The following HSH2D variants were observed in gnomAD, a reference collection of about 807,000 sequenced individuals.
HSH2D encodes the protein hematopoietic SH2 domain containing, also known as hematopoietic SH2 domain-containing protein.
HSH2D carries 16 observed loss-of-function variants against 21.5 expected under a neutral mutation model. That is an observed-to-expected ratio of 0.74 (90% CI 0.50 to 1.13). The LOEUF (loss-of-function observed/expected upper bound fraction) is 1.13. Ranked by LOEUF, HSH2D falls within the 50% of genes most tolerant of loss-of-function variation. HSH2D has a pLI of 0.00. For synonymous variants in HSH2D, 172 were observed against 184.7 expected (o/e 0.93, Z 0.56); for missense variants, 418 against 441.4 (o/e 0.95, Z 0.47).
intron 3 of HSH2D, 73 bp from the exon 4 acceptor site, chr19:16,152,970 G>A (rs2091180190): frequency 2.0e-6 from 3 of 1,534,800 alleles, no homozygotes; most frequent in Non-Finnish European, 2.7e-6. Flanking sequence ...TGACGCTGCC[G>A]GCCCAAGGGC....
chr19:16,140,212 TAG>T (rs1247477641), upstream of HSH2D, among the ~76,000 whole-genome samples: 3 of 151,820 alleles, frequency 2.0e-5, no homozygotes, highest in East Asian at 5.8e-4. Flanking sequence ...TCCAGGCAGG[TAG>T]ATCGCTTGAG....
At chr19:16,156,595 G>A (rs1406229922) in intron 5 of HSH2D, among the ~76,000 whole-genome samples, 6 of 152,176 alleles carry the variant, frequency 3.9e-5, no homozygotes, top group Admixed American at 6.6e-5. Flanking sequence ...ATTGGTTCAC[G>A]TGTGACCTCT....
chr19:16,142,752 C>T (rs530844833), upstream of HSH2D, among the ~76,000 whole-genome samples: 19 of 152,042 alleles, frequency 1.2e-4, no homozygotes, highest in Non-Finnish European at 2.2e-4. Flanking sequence ...CATGAGCCAC[C>T]GCACCCAGCT....
rs1201296926 is a variant in HSH2D at position 16,157,234 on chromosome 19, C to T, written c.499C>T (p.His167Tyr). 1.0e-5 allele frequency: 16 copies of T among 1,561,638 alleles called. No individual in the cohort carries two copies. Among genetic ancestry groups the T allele is most frequent in the Admixed American group, 2.0e-5 (1 of 50,684 alleles). ...GGCCTCCCCAAAGCCAGTCCTGTGT[C>T]ACCAATCAAAGGAAAGGAAGCCGTC... is the stretch of plus-strand genomic sequence containing the variant. ...EEASPKPVLC[H>Y]QSKERKPSAE... is the part of the protein sequence containing the mutation. The change falls in exon 6 of 6, where the codon CAC becomes TAC. Residue 167 changes from histidine (H) to tyrosine (Y), a missense_variant. By Grantham distance (83) the His-to-Tyr change is moderately conservative. Coordinates refer to ENST00000613986, the MANE Select transcript of HSH2D (RefSeq NM_001382417.1). The surrounding 1 kb of genome is among the most constrained non-coding windows in gnomAD (Gnocchi z 4.4).
chr19:16,153,014 A>C, intron 3 of HSH2D, 29 bp from the exon 4 acceptor site: 1 of 1,599,432 alleles, frequency 6.3e-7, no homozygotes, highest in Non-Finnish European at 8.5e-7. Flanking sequence ...GGGGAGTAGG[A>C]TGTCCCAGCC....
In HSH2D at chr19:16,153,187, G is replaced by C; in HGVS notation, c.360G>C (p.Leu120=). ...AGCCAATTGAGCCGCGCAGGGAGCT[G>C]CTGACACAGCCCTGCAGGCAGGTGA... ...QQKPIEPRRE[L]LTQPCRQKDP... The change falls in exon 4 of 6, where the codon CTG becomes CTC. Residue 120 remains leucine (L), a synonymous_variant. Transcript: ENST00000613986. 6.4e-7 allele frequency: 1 copy of C among 1,554,152 alleles called. No homozygotes were observed. The highest frequency in any genetic ancestry group is 8.7e-7 in the Non-Finnish European group (1 of 1,151,016).
At chr19:16,154,870 C>T (rs1486963773) in intron 5 of HSH2D, 1 of 187,334 alleles carries the variant, frequency 5.3e-6, no homozygotes, top group African/African-American at 2.4e-5. Context: ...GGCCCCAGAC[C>T]TAAAGCAACA....
At chr19:16,154,363 C>T in intron 4 of HSH2D, 36 bp from the exon 5 acceptor site, 2 of 1,439,668 alleles carry the variant, frequency 1.4e-6, no homozygotes, top group African/African-American at 2.8e-5. Context: ...TTTCCCCCTC[C>T]CTAGTGCTGA....
chr19:16,142,274 T>C (rs922405901), upstream of HSH2D, among the ~76,000 whole-genome samples: 1 of 152,090 alleles, frequency 6.6e-6, no homozygotes, highest in Non-Finnish European at 1.5e-5. Context: ...CAAAAAAATA[T>C]ACTCTTTCTG....
intron 1 of HSH2D, among the ~76,000 whole-genome samples, chr19:16,146,012 G>A (rs1599414377): frequency 1.3e-5 from 2 of 150,324 alleles, no homozygotes; most frequent in African/African-American, 4.9e-5. Flanking sequence ...GGAGGCGGAA[G>A]TTGCAGTGAG....
intron 1 of HSH2D, among the ~76,000 whole-genome samples, chr19:16,136,908 C>G (rs1195608100): frequency 6.6e-6 from 1 of 152,248 alleles, no homozygotes; most frequent in Non-Finnish European, 1.5e-5. Context: ...CCTCACCAGG[C>G]ATCTATAAAA....
intron 2 of HSH2D, among the ~76,000 whole-genome samples, chr19:16,151,732 T>C (rs1043938144): frequency 7.8e-5 from 9 of 115,226 alleles, no homozygotes; most frequent in Non-Finnish European, 1.4e-4. Context: ...GGAACATCCC[T>C]AATCCCTGAA....
chr19:16,157,781 CT>C lies in HSH2D; in HGVS notation c.1047del (p.Tyr351ThrfsTer21). 3 of 1,600,496 alleles carry C rather than the reference CT, an allele frequency of 1.9e-6. No homozygotes were observed. Among genetic ancestry groups the C allele is most frequent in the South Asian group, 1.1e-5 (1 of 89,950 alleles). On this transcript the variant is annotated frameshift_variant, in exon 6 of 6. Coordinates refer to ENST00000613986, the MANE Select transcript of HSH2D (RefSeq NM_001382417.1). LOFTEE classifies it high-confidence loss of function. The surrounding 1 kb of genome is among the most constrained non-coding windows in gnomAD (Gnocchi z 4.4). ...EEYQQPPPFA[P>X]GYC Reference sequence around the variant, plus strand: ...TACCAACAACCGCCACCCTTTGCCCCTGGGTACTGCTAGAGAACAGGTCCAC... The same window carrying C: ...TACCAACAACCGCCACCCTTTGCCCCGGGTACTGCTAGAGAACAGGTCCAC...
At chr19:16,153,738 T>A (rs1054958803) in intron 4 of HSH2D, among the ~76,000 whole-genome samples, 1 of 148,640 alleles carries the variant, frequency 6.7e-6, no homozygotes, top group African/African-American at 2.5e-5. Flanking sequence ...TGGCTCCCAA[T>A]AAACTGCTGT....
chr19:16,157,650 G>A lies in HSH2D; in HGVS notation c.915G>A (p.Gly305=). Residue 305 remains glycine, a synonymous_variant, in exon 6 of 6, where the codon GGG becomes GGA. Transcript: ENST00000613986. The surrounding 1 kb of genome is among the most constrained non-coding windows in gnomAD (Gnocchi z 4.4). ...RSVSCIEVTP[G]DRSWHQMVVR... ...TCAGCTGCATTGAGGTGACCCCAGG[G>A]GACAGGAGTTGGCACCAAATGGTAG... 6.2e-7 allele frequency: 1 copy of A among 1,613,558 alleles called. No individual in the cohort carries two copies. The highest frequency in any genetic ancestry group is 8.5e-7 in the Non-Finnish European group (1 of 1,179,706).
chr19:16,151,377 A>G (rs1173800444), intron 2 of HSH2D: 1 of 323,776 alleles, frequency 3.1e-6, no homozygotes, highest in Non-Finnish European at 6.2e-6. Flanking sequence ...TAATAACAGC[A>G]AACATTTTGG....
At chr19:16,143,646 A>C, upstream of HSH2D, 1 of 399,420 alleles carries the variant, frequency 2.5e-6, no homozygotes, top group Non-Finnish European at 5.1e-6. Context: ...CACCTGCTTG[A>C]GGAAACAGGA....
chr19:16,137,096 C>T (rs1409613295), intron 1 of HSH2D, among the ~76,000 whole-genome samples: 1 of 152,124 alleles, frequency 6.6e-6, no homozygotes, highest in Non-Finnish European at 1.5e-5. Flanking sequence ...CCAGATGAGG[C>T]CGTTTCAATG....
chr19:16,148,525 A>G (rs778396298), intron 1 of HSH2D, among the ~76,000 whole-genome samples, 199 bp from the exon 2 acceptor site: 49 of 152,034 alleles, frequency 3.2e-4, no homozygotes, highest in Admixed American at 5.2e-4. Context: ...GGCTCAAGCA[A>G]TCCTCCCACC....
Sources: gnomAD v4.1 joint callset for allele counts (sites outside exome capture counted in the v4.1 genomes callset) on GRCh38, gnomAD v4.1.1 for gene constraint, Gnocchi (gnomAD v3.1) non-coding constraint, MANE v1.5 for transcripts, NCBI Gene and HGNC (gene_info 2026-07-23, HGNC 2026-07-21) for gene names.